Variants in KLF17 observed in about 807,000 individuals in gnomAD.
The protein encoded by KLF17 is KLF transcription factor 17.
Under a neutral mutation model 34.2 loss-of-function variants are expected in KLF17, and 31 were observed. The observed-to-expected ratio is 0.91, with a 90% CI of 0.68 to 1.22. KLF17 has a LOEUF of 1.22. Among genes scored for constraint, KLF17 ranks in the 50% most tolerant of loss-of-function variants. KLF17 has a pLI of 0.00. For synonymous variants in KLF17, 179 were observed against 186.7 expected (o/e 0.96, Z 0.34); for missense variants, 478 against 505.2 (o/e 0.95, Z 0.52).
intron 1 of KLF17, among the ~76,000 whole-genome samples, chr1:44,127,448 G>A (rs1203094665): frequency 2.0e-5 from 3 of 151,632 alleles, no homozygotes; most frequent in Non-Finnish European, 4.4e-5. Context: ...CCCTATTTCT[G>A]ACCTGTGATG....
the KLF17 span, among the ~76,000 whole-genome samples, chr1:44,096,397 T>A: frequency 0.32 from 47,878 of 147,774 alleles, 7,921 homozygotes; most frequent in South Asian, 0.38. Flanking sequence ...TTTTATTATT[T>A]ATTTTTCTTT....
rs1276037880 is a variant in KLF17, at chr1:44,129,761, A to G, written c.490A>G (p.Thr164Ala). 6.2e-7 allele frequency: 1 copy of G among 1,614,116 alleles called. No homozygotes were observed. Among genetic ancestry groups the G allele is most frequent in the African/African-American group, 1.3e-5 (1 of 75,038 alleles). Residue 164 changes from threonine to alanine, a missense_variant, in exon 2 of 4, where the codon ACT becomes GCT. By Grantham distance (58) the Thr-to-Ala change is moderately conservative (BLOSUM62 0). Transcript: ENST00000372299. ...PPNGLPVSAS[T>A]GIPIMSHTGN... ...CAATGGGCTGCCAGTCTCGGCTTCC[A>G]CTGGAATCCCAATAATGTCCCACAC...
At chr1:44,079,215 A>T in the KLF17 span, among the ~76,000 whole-genome samples, 11 of 151,934 alleles carry the variant, frequency 7.2e-5, no homozygotes, top group African/African-American at 2.4e-4. Flanking sequence ...TCTGCTCCCT[A>T]CATCTGCTAT....
At chr1:44,115,169 G>A (rs541044735), upstream of KLF17, 8 of 152,040 alleles carry the variant, frequency 5.3e-5, no homozygotes, top group East Asian at 1.9e-4. Context: ...CAGGCCAGGC[G>A]CGGTGGCTCA....
At chr1:44,080,713 ATTTTT>A in the KLF17 span, among the ~76,000 whole-genome samples, 29 of 92,674 alleles carry the variant, frequency 3.1e-4, no homozygotes, top group African/African-American at 1.4e-3. Flanking sequence ...ATTATATTGA[ATTTTT>A]TTTTTTTTTT....
chr1:44,099,928 G>GGA, the KLF17 span, among the ~76,000 whole-genome samples: 12 of 120,536 alleles, frequency 1.0e-4, 2 homozygotes, highest in South Asian at 3.6e-3. Flanking sequence ...AAAAGAAAGG[G>GGA]AGGGAGGGAG....
the KLF17 span, among the ~76,000 whole-genome samples, chr1:44,089,043 G>A: frequency 6.6e-6 from 1 of 152,156 alleles, no homozygotes; most frequent in Non-Finnish European, 1.5e-5. Context: ...ATTATCACAT[G>A]AATGGTGCTG....
intron 3 of KLF17, among the ~76,000 whole-genome samples, chr1:44,131,928 CAAG>C (rs965634541): frequency 6.6e-6 from 1 of 152,120 alleles, no homozygotes; most frequent in Non-Finnish European, 1.5e-5. Context: ...CTCCTGGCTT[CAAG>C]TAGTCTGCCC....
chr1:44,092,813 T>C, the KLF17 span, among the ~76,000 whole-genome samples: 1 of 151,674 alleles, frequency 6.6e-6, no homozygotes, highest in Non-Finnish European at 1.5e-5. Flanking sequence ...TTGACCACTA[T>C]GTAATCTATT....
chr1:44,116,945 T>A (rs183627184), upstream of KLF17, among the ~76,000 whole-genome samples: 214 of 152,320 alleles, frequency 1.4e-3, no homozygotes, highest in African/African-American at 4.9e-3. Flanking sequence ...TGCCTCCAAA[T>A]CTGCTCCTCT....
the KLF17 span, chr1:44,104,023 T>C: frequency 1.2e-6 from 1 of 862,574 alleles, no homozygotes; most frequent in Non-Finnish European, 2.0e-6. Flanking sequence ...ATGGAGCGGC[T>C]GTTGTCCATG....
chr1:44,085,730 C>A, the KLF17 span, among the ~76,000 whole-genome samples: 1 of 141,032 alleles, frequency 7.1e-6, no homozygotes, highest in African/African-American at 2.7e-5. Flanking sequence ...CTTGAGCCCA[C>A]GAGTTCGAGA....
chr1:44,062,747 T>G, the KLF17 span, among the ~76,000 whole-genome samples: 1 of 150,744 alleles, frequency 6.6e-6, no homozygotes, highest in Non-Finnish European at 1.5e-5. Context: ...TGTATCTCCA[T>G]GTCAAGGATG....
intron 3 of KLF17, among the ~76,000 whole-genome samples, chr1:44,131,848 C>A (rs192647122): frequency 6.6e-6 from 1 of 152,270 alleles, no homozygotes; most frequent in Admixed American, 6.5e-5. Context: ...GCAAGCACCA[C>A]CACACCCAGC....
At chr1:44,119,047 AG>A in intron 1 of KLF17, 59 bp downstream of exon 1, 1 of 1,250,624 alleles carries the variant, frequency 8.0e-7, no homozygotes, top group Non-Finnish European at 1.1e-6. Context: ...GGCGGCGGGG[AG>A]GGGAGGCCTT....
the KLF17 span, among the ~76,000 whole-genome samples, chr1:44,075,149 G>A: frequency 5.7e-5 from 6 of 104,936 alleles, no homozygotes; most frequent in Middle Eastern, 4.9e-3. Context: ...ACACATACAC[G>A]TATACATTAG....
the KLF17 span, among the ~76,000 whole-genome samples, chr1:44,087,729 TATATATATATATATATATA>T: frequency 1.8e-5 from 1 of 54,856 alleles, no homozygotes; most frequent in Non-Finnish European, 3.1e-5. Flanking sequence ...ATATTTTATA[TATATATATATATATATATA>T]TATATATATA....
chr1:44,067,286 T>G, the KLF17 span, among the ~76,000 whole-genome samples: 1 of 152,174 alleles, frequency 6.6e-6, no homozygotes, highest in Non-Finnish European at 1.5e-5. Flanking sequence ...CAACAGGATC[T>G]GCAATACTCT....
chr1:44,084,836 G>A, the KLF17 span, among the ~76,000 whole-genome samples: 1 of 150,442 alleles, frequency 6.6e-6, no homozygotes, highest in Non-Finnish European at 1.5e-5. Context: ...CACTTTAGGA[G>A]GCCAAGGCAG....
Sources: allele counts gnomAD v4.1 joint callset (sites outside exome capture counted in the v4.1 genomes callset), GRCh38; gene constraint gnomAD v4.1.1; transcripts MANE v1.5; gene names NCBI Gene and HGNC (gene_info 2026-07-23, HGNC 2026-07-21).